SLC25A48: variants seen among roughly 807,000 people sequenced by gnomAD.
SLC25A48 encodes solute carrier family 25 member 48.
In SLC25A48, 29 loss-of-function variants were observed where a neutral mutation model predicts 32.2. That is an observed-to-expected ratio of 0.90 (90% CI 0.67 to 1.23). The LOEUF (loss-of-function observed/expected upper bound fraction) is 1.23. Among genes scored for constraint, SLC25A48 ranks in the 50% most tolerant of loss-of-function variants. The probability of loss-of-function intolerance (pLI) is 0.00; values close to 1 mark genes in which losing one functional copy is unlikely to be tolerated. For missense variants in SLC25A48, 399 were observed against 422.7 expected, an observed-to-expected ratio of 0.94 and a Z score of 0.49; for synonymous variants, 164 against 172.3, an observed-to-expected ratio of 0.95 and a Z score of 0.38.
At chr5:135,851,614 G>T (rs146264672) in intron 3 of SLC25A48, among the ~76,000 whole-genome samples, 1 of 152,220 alleles carries the variant, frequency 6.6e-6, no homozygotes, top group Non-Finnish European at 1.5e-5. Flanking sequence ...GTGTGTGTGC[G>T]TGTGCAGGTG....
intron 3 of SLC25A48, among the ~76,000 whole-genome samples, chr5:135,692,429 G>A (rs935551781): frequency 6.6e-6 from 1 of 151,826 alleles, no homozygotes; most frequent in Non-Finnish European, 1.5e-5. Flanking sequence ...AGAATCAAAT[G>A]TGCTGCCCTG....
chr5:135,768,765 G>T (rs569991183), intron 3 of SLC25A48, among the ~76,000 whole-genome samples: 2 of 151,446 alleles, frequency 1.3e-5, no homozygotes, highest in African/African-American at 4.9e-5. Flanking sequence ...TCTCAATATC[G>T]CTGGGCTTGT....
chr5:135,715,534 T>C (rs552802424), intron 3 of SLC25A48, among the ~76,000 whole-genome samples: 1 of 152,290 alleles, frequency 6.6e-6, no homozygotes, highest in South Asian at 2.1e-4. Context: ...TTGTAGCTGC[T>C]GGGTGAAATG....
intron 2 of SLC25A48, among the ~76,000 whole-genome samples, chr5:135,632,125 C>G (rs1664074776): frequency 6.6e-6 from 1 of 152,180 alleles, no homozygotes; most frequent in Non-Finnish European, 1.5e-5. Flanking sequence ...CCTTTGGAGG[C>G]CCGATCCATG....
At chr5:135,680,442 T>C (rs1486377879) in intron 3 of SLC25A48, among the ~76,000 whole-genome samples, 1 of 152,226 alleles carries the variant, frequency 6.6e-6, no homozygotes, top group Non-Finnish European at 1.5e-5. Flanking sequence ...TGTGATAAAA[T>C]TTAGATAATT....
intron 1 of SLC25A48, among the ~76,000 whole-genome samples, chr5:135,606,537 C>T (rs1449999344): frequency 2.6e-5 from 4 of 152,164 alleles, no homozygotes; most frequent in Admixed American, 6.5e-5. Context: ...GCAGCATTGT[C>T]GGGTCTGTTT....
At chr5:135,878,029 C>T (rs142312081) in intron 6 of SLC25A48, among the ~76,000 whole-genome samples, 165 of 152,236 alleles carry the variant, frequency 1.1e-3, no homozygotes, top group African/African-American at 3.7e-3. Flanking sequence ...GAAAGAGTGA[C>T]CCTAGGCCAT....
chr5:135,728,863 CACACACACACACACACACACAT>C (rs1435226781), intron 3 of SLC25A48, among the ~76,000 whole-genome samples: 3 of 148,744 alleles, frequency 2.0e-5, no homozygotes, highest in South Asian at 2.1e-4. Flanking sequence ...CACACACACA[CACACACACACACACACACACAT>C]ACACACACAC....
At chr5:135,619,019 A>G (rs866217962) in intron 1 of SLC25A48, among the ~76,000 whole-genome samples, 14 of 151,868 alleles carry the variant, frequency 9.2e-5, no homozygotes, top group African/African-American at 3.1e-4. Flanking sequence ...AACTTCCTGT[A>G]TCTGGATGAC....
At chr5:135,822,327 A>T (rs939852896) in intron 4 of SLC25A48, among the ~76,000 whole-genome samples, 1 of 152,228 alleles carries the variant, frequency 6.6e-6, no homozygotes, top group African/African-American at 2.4e-5. Flanking sequence ...GAACAAATTA[A>T]CACAAACTTA....
chr5:135,754,241 G>A lies in SLC25A48; in HGVS notation c.-520-58282G>A, dbSNP rs114659224. ...GTGTACAGTGTGTACGGTGATAGCA[G>A]CAGTCATTTCTCAAGGGTATTATTA... On this transcript the variant is annotated intron_variant, in intron 3 of 10. Transcript: ENST00000646290. Among the ~76,000 whole-genome samples the A allele has an allele frequency of 6.6e-3, 1,005 of 152,144 alleles. 9 individuals are homozygous for A. Among genetic ancestry groups the A allele is most frequent in the African/African-American group, 0.023 (939 of 41,500 alleles).
At chr5:135,798,628 C>A (rs1209113827) in intron 3 of SLC25A48, among the ~76,000 whole-genome samples, 6 of 151,544 alleles carry the variant, frequency 4.0e-5, no homozygotes, top group South Asian at 2.1e-4. Context: ...ATTTTGCACC[C>A]CCTGCTGTGA....
chr5:135,580,095 G>A (rs1186235894), intron 1 of SLC25A48, among the ~76,000 whole-genome samples: 2 of 152,174 alleles, frequency 1.3e-5, no homozygotes, highest in African/African-American at 4.8e-5. Flanking sequence ...TTACCAATTG[G>A]TACTTTTCTT....
At chr5:135,741,873 TAAG>T (rs1169125801) in intron 3 of SLC25A48, among the ~76,000 whole-genome samples, 3 of 152,050 alleles carry the variant, frequency 2.0e-5, no homozygotes, top group Non-Finnish European at 2.9e-5. Flanking sequence ...AAGGGGTTAA[TAAG>T]GAGGAAAAAG....
At chr5:135,791,551 G>A (rs1757031470) in intron 3 of SLC25A48, among the ~76,000 whole-genome samples, 2 of 151,550 alleles carry the variant, frequency 1.3e-5, no homozygotes, top group South Asian at 4.2e-4. Context: ...TATCCTAGGA[G>A]TATGTTACTC....
intron 3 of SLC25A48, among the ~76,000 whole-genome samples, chr5:135,666,760 C>T (rs1489565639): frequency 6.6e-6 from 1 of 152,106 alleles, no homozygotes; most frequent in Non-Finnish European, 1.5e-5. Flanking sequence ...ATCTGGGGAT[C>T]ATAGTTGCTG....
At chr5:135,732,915 C>T (rs1268109194) in intron 3 of SLC25A48, among the ~76,000 whole-genome samples, 2 of 152,074 alleles carry the variant, frequency 1.3e-5, no homozygotes, top group Non-Finnish European at 2.9e-5. Flanking sequence ...GGATCTGATG[C>T]CTTTTGATGG....
intron 1 of SLC25A48, among the ~76,000 whole-genome samples, chr5:135,841,709 G>C (rs1009995515): frequency 4.8e-5 from 7 of 145,416 alleles, no homozygotes; most frequent in Admixed American, 2.7e-4. Context: ...AGATGTGTGG[G>C]TGGGGGGTAT....
At chr5:135,793,411 T>A (rs1219717635) in intron 3 of SLC25A48, among the ~76,000 whole-genome samples, 1 of 151,938 alleles carries the variant, frequency 6.6e-6, no homozygotes, top group East Asian at 1.9e-4. Flanking sequence ...ACTCTCTTAA[T>A]GTTACAGTTT....
Sources: allele counts gnomAD v4.1 joint callset (sites outside exome capture counted in the v4.1 genomes callset), GRCh38; gene constraint gnomAD v4.1.1; transcripts MANE v1.5; gene names NCBI Gene and HGNC (gene_info 2026-07-23, HGNC 2026-07-21).